PAK1: variants seen among roughly 807,000 people sequenced by gnomAD.
PAK1 encodes p21 (RAC1) activated kinase 1.
A neutral mutation model predicts 67.4 loss-of-function variants in PAK1; 29 were observed. That is an observed-to-expected ratio of 0.43 (90% CI 0.32 to 0.59). PAK1 has a LOEUF of 0.59. Ranked by LOEUF, PAK1 falls within the 20% of genes least tolerant of loss-of-function variation. The probability of loss-of-function intolerance (pLI) is 0.07; values close to 1 mark genes in which losing one functional copy is unlikely to be tolerated. For synonymous variants in PAK1, 223 were observed against 237.4 expected (o/e 0.94, Z 0.56); for missense variants, 337 against 670.7 (o/e 0.50, Z 5.50).
At chr11:77,397,279 T>C (rs567944984) in intron 1 of PAK1, 1 of 152,330 alleles carries the variant, frequency 6.6e-6, no homozygotes, top group South Asian at 2.1e-4. Flanking sequence ...AAGCATTAAT[T>C]ATGAATCAAC....
At chr11:77,413,928 T>A (rs1954808279) in intron 1 of PAK1, among the ~76,000 whole-genome samples, 1 of 152,152 alleles carries the variant, frequency 6.6e-6, no homozygotes, top group Non-Finnish European at 1.5e-5. Context: ...TAAGCAATAA[T>A]CATAGCAACT....
At chr11:77,524,802 A>T in the PAK1 span, among the ~76,000 whole-genome samples, 4 of 152,320 alleles carry the variant, frequency 2.6e-5, no homozygotes, top group South Asian at 4.1e-4. Context: ...GTTTTGCTTT[A>T]TCTTTAGCAC....
At chr11:77,461,441 G>C (rs1481973412) in intron 1 of PAK1, among the ~76,000 whole-genome samples, 7 of 152,172 alleles carry the variant, frequency 4.6e-5, no homozygotes, top group Admixed American at 4.6e-4. Context: ...GGCTTTAAGA[G>C]CAAAACTGAA....
chr11:77,344,146 A>C (rs1165737349), intron 9 of PAK1, among the ~76,000 whole-genome samples: 1 of 152,076 alleles, frequency 6.6e-6, no homozygotes, highest in African/African-American at 2.4e-5. Flanking sequence ...GGAAATAAAA[A>C]CCTCGGGTCC....
Position 77,339,766 on chromosome 11 carries a change from G to T in PAK1, c.1116+880C>A, listed in dbSNP as rs570796830. On this transcript the variant is annotated intron_variant, in intron 11 of 14. Transcript: ENST00000356341. ...TTCTGAACCTCATCTCATCTTCTAT[G>T]CTTCCCCTAATTTCCTAACTTTTCT... Among the ~76,000 whole-genome samples, 11 of 151,666 alleles carry T rather than the reference G, an allele frequency of 7.3e-5. No individual in the cohort carries two copies. The East Asian group carries it at 1.7e-3, about 24-fold the overall frequency.
intron 6 of PAK1, 50 bp downstream of exon 6, chr11:77,358,848 C>T (rs1428927808): frequency 6.2e-7 from 1 of 1,600,086 alleles, no homozygotes; most frequent in Non-Finnish European, 8.6e-7. Flanking sequence ...CCTCCCTCTC[C>T]CCACTTACTC....
chr11:77,508,755 GT>G, the PAK1 span, among the ~76,000 whole-genome samples: 1 of 150,548 alleles, frequency 6.6e-6, no homozygotes, highest in African/African-American at 2.4e-5. Flanking sequence ...CGCCTGCCGG[GT>G]TCACGCCATT....
intron 13 of PAK1, among the ~76,000 whole-genome samples, chr11:77,334,332 TG>T (rs1401573264): frequency 1.3e-5 from 2 of 152,112 alleles, no homozygotes; most frequent in Admixed American, 6.5e-5. Context: ...GAGGCAAAGC[TG>T]GGATCAAAGG....
At chr11:77,444,547 G>A (rs553537460) in intron 1 of PAK1, among the ~76,000 whole-genome samples, 10 of 152,228 alleles carry the variant, frequency 6.6e-5, no homozygotes, top group African/African-American at 1.7e-4. Flanking sequence ...TCACAATTAC[G>A]AAGCAAAACA....
the PAK1 span, among the ~76,000 whole-genome samples, chr11:77,522,698 G>A: frequency 6.6e-6 from 1 of 152,284 alleles, no homozygotes; most frequent in African/African-American, 2.4e-5. Context: ...ACTCTCATTT[G>A]ACCCAGAAAT....
chr11:77,337,319 C>T lies in PAK1; in HGVS notation c.1216+5G>A. On this transcript the variant is annotated splice_donor_5th_base_variant and intron_variant, in intron 12 of 14. Coordinates refer to ENST00000356341, the MANE Select transcript of PAK1 (RefSeq NM_002576.5). ...AGTATTATCATTCCTAAGGCTCCTA[C>T]TTACTTAGCTTGACAGAGCCATCCA... The T allele has an allele frequency of 6.7e-7, 1 of 1,494,486 alleles. No homozygotes were observed. The highest frequency in any genetic ancestry group is 9.3e-7 in the Non-Finnish European group (1 of 1,073,258). The allele number at this position is 1,494,486 out of a possible 1,614,324, so 92.6% of individuals were successfully genotyped here.
chr11:77,405,674 GACACACACACACAC>G lies in PAK1; in HGVS notation c.-21-13147_-21-13134del, dbSNP rs1555167119. 1.2e-4 allele frequency among the ~76,000 whole-genome samples: 15 copies of G among 126,000 alleles called. No homozygotes were observed. The East Asian group carries it at 1.7e-3, about 15-fold the overall frequency. 82.7% of individuals were successfully genotyped at this position (126,000 alleles called of 152,430 possible). On this transcript the variant is annotated intron_variant, in intron 1 of 14. Coordinates refer to ENST00000356341, the MANE Select transcript of PAK1 (RefSeq NM_002576.5). ...TCAAAGACAGACAGACAGACAGACA[GACACACACACACAC>G]ACACACACACACACACACACACACA...
the PAK1 span, among the ~76,000 whole-genome samples, chr11:77,498,497 C>T: frequency 1.3e-5 from 2 of 151,872 alleles, no homozygotes; most frequent in Non-Finnish European, 2.9e-5. Context: ...CACACACACA[C>T]ATGGTGCCAC....
chr11:77,492,753 G>A, the PAK1 span, among the ~76,000 whole-genome samples: 3 of 152,030 alleles, frequency 2.0e-5, no homozygotes, highest in African/African-American at 4.8e-5. Flanking sequence ...GATCTTGGGG[G>A]CAGAGTTCTC....
intron 7 of PAK1, among the ~76,000 whole-genome samples, chr11:77,354,950 C>T (rs1945801981): frequency 6.6e-6 from 1 of 152,116 alleles, no homozygotes; most frequent in African/African-American, 2.4e-5. Flanking sequence ...TAACATACCC[C>T]CATTTCTGGC....
chr11:77,490,379 G>A, the PAK1 span, among the ~76,000 whole-genome samples: 41 of 141,644 alleles, frequency 2.9e-4, 1 homozygote, highest in African/African-American at 1.1e-3. Flanking sequence ...GGAGGTGAGG[G>A]GTGCCTCTGC....
the PAK1 span, among the ~76,000 whole-genome samples, chr11:77,507,338 T>C: frequency 2.0e-3 from 299 of 152,290 alleles, 1 homozygote; most frequent in Non-Finnish European, 3.2e-3. Context: ...GGTCCTCTGG[T>C]CTACGTCTCT....
chr11:77,463,367 T>TA (rs1159468212), intron 1 of PAK1, among the ~76,000 whole-genome samples: 4 of 152,040 alleles, frequency 2.6e-5, no homozygotes, highest in Admixed American at 6.6e-5. Flanking sequence ...ATGTTTTATT[T>TA]AAAAAAAATT....
intron 14 of PAK1, among the ~76,000 whole-genome samples, chr11:77,332,095 G>C (rs779839493): frequency 4.6e-5 from 7 of 151,252 alleles, no homozygotes; most frequent in Non-Finnish European, 1.0e-4. Context: ...TTGAACCCAG[G>C]AATTTGAGAC....
Sources: allele counts gnomAD v4.1 joint callset (sites outside exome capture counted in the v4.1 genomes callset), GRCh38; gene constraint gnomAD v4.1.1; transcripts MANE v1.5; gene names NCBI Gene and HGNC (gene_info 2026-07-23, HGNC 2026-07-21).